SRGAP3: variants seen among roughly 807,000 people sequenced by gnomAD.
The protein encoded by SRGAP3 is SLIT-ROBO Rho GTPase-activating protein 3.
SRGAP3 carries 39 observed loss-of-function variants against 121.1 expected under a neutral mutation model. That is an observed-to-expected ratio of 0.32 (90% CI 0.25 to 0.42). The LOEUF is 0.42. SRGAP3 is among the 10% of genes least tolerant of loss of function. SRGAP3 has a pLI of 1.00. For missense variants in SRGAP3, 1,213 were observed against 1,470.6 expected, an observed-to-expected ratio of 0.82 and a Z score of 2.86; for synonymous variants, 601 against 570.0, an observed-to-expected ratio of 1.05 and a Z score of -0.77.
At chr3:9,106,383 C>T (rs2124918944) in intron 2 of SRGAP3, among the ~76,000 whole-genome samples, 1 of 152,320 alleles carries the variant, frequency 6.6e-6, no homozygotes, top group South Asian at 2.1e-4. Context: ...CCAGGGTTCC[C>T]CCAGGCCTGC....
chr3:9,168,698 C>T (rs1350484511), intron 1 of SRGAP3, among the ~76,000 whole-genome samples: 1 of 152,148 alleles, frequency 6.6e-6, no homozygotes, highest in Non-Finnish European at 1.5e-5. Context: ...GTTTCTTAAA[C>T]CAAGTAAGCT....
At chr3:9,348,845 A>G in intron 1 of SRGAP3, 1 of 1,326,532 alleles carries the variant, frequency 7.5e-7, no homozygotes, top group South Asian at 1.2e-5. Context: ...CTACAACATC[A>G]GTAAGGATCG....
chr3:9,021,086 C>G (rs1943890722), intron 14 of SRGAP3, among the ~76,000 whole-genome samples: 1 of 152,200 alleles, frequency 6.6e-6, no homozygotes, highest in African/African-American at 2.4e-5. Context: ...GGTCCTCGAG[C>G]CCCTCGACAT....
intron 3 of SRGAP3, among the ~76,000 whole-genome samples, chr3:9,289,312 G>A (rs1197426759): frequency 6.6e-6 from 1 of 152,180 alleles, no homozygotes; most frequent in Non-Finnish European, 1.5e-5. Flanking sequence ...CAGTCTCCAT[G>A]GATCTGATTC....
chr3:9,240,842 G>A (rs1385555489), intron 1 of SRGAP3, among the ~76,000 whole-genome samples: 2 of 152,222 alleles, frequency 1.3e-5, no homozygotes, highest in South Asian at 2.1e-4. Flanking sequence ...CAGTTTTGCA[G>A]TGGACACTTT....
rs779977694 is a variant in SRGAP3 at position 9,056,190 on chromosome 3, C to T, written c.1125+43G>A. On this transcript the variant is annotated intron_variant, in intron 8 of 21. Coordinates refer to ENST00000383836, the MANE Select transcript of SRGAP3 (RefSeq NM_014850.4). ...AGTGGACTCCCTGGGACAAGCCAGGCCTTCCAAAGAAAATCCCTTATAGGG... is the reference window on the plus strand; with the variant it reads ...AGTGGACTCCCTGGGACAAGCCAGGTCTTCCAAAGAAAATCCCTTATAGGG... 6 of 1,597,620 alleles carry T rather than the reference C, an allele frequency of 3.8e-6. No individual in the cohort carries two copies. In the South Asian group the frequency reaches 5.5e-5, roughly 15 times the overall value.
chr3:9,206,939 C>T (rs1240756513), intron 1 of SRGAP3, among the ~76,000 whole-genome samples: 1 of 152,114 alleles, frequency 6.6e-6, no homozygotes, highest in Non-Finnish European at 1.5e-5. Flanking sequence ...ATGCAGTATC[C>T]CTAGACCCTA....
At chr3:9,261,995 G>T (rs1954266330) in intron 3 of SRGAP3, among the ~76,000 whole-genome samples, 1 of 151,998 alleles carries the variant, frequency 6.6e-6, no homozygotes. Context: ...AAGCCCATCA[G>T]ACTAACAGTG....
intron 1 of SRGAP3, among the ~76,000 whole-genome samples, chr3:9,362,252 G>C (rs1338852168): frequency 3.2e-5 from 1 of 30,774 alleles, no homozygotes; most frequent in Non-Finnish European, 5.5e-5. Flanking sequence ...TGCAACCTCT[G>C]CCTCCTGGGT....
chr3:9,080,187 G>A (rs1947173062), intron 3 of SRGAP3, 100 bp from the exon 4 acceptor site: 3 of 1,086,990 alleles, frequency 2.8e-6, no homozygotes, highest in East Asian at 2.4e-5. Context: ...TTCGGGTGGG[G>A]TCAGAAGGGG....
intron 1 of SRGAP3, among the ~76,000 whole-genome samples, chr3:9,149,070 C>T (rs1229637020): frequency 5.3e-5 from 8 of 151,820 alleles, no homozygotes; most frequent in East Asian, 1.9e-4. Flanking sequence ...AAAAATTAGC[C>T]GAGCGTGGTG....
intron 7 of SRGAP3, 101 bp from the exon 8 acceptor site, chr3:9,056,435 A>C: frequency 7.8e-7 from 1 of 1,274,770 alleles, no homozygotes. Context: ...ACAGTCCAGG[A>C]AACAGGGGCT....
chr3:9,207,039 T>C (rs533900778), intron 1 of SRGAP3, among the ~76,000 whole-genome samples: 30 of 152,302 alleles, frequency 2.0e-4, no homozygotes, highest in African/African-American at 6.3e-4. Flanking sequence ...TCACATAGGG[T>C]GACCAACCAT....
intron 1 of SRGAP3, among the ~76,000 whole-genome samples, chr3:9,230,856 C>CAAAAA (rs544760262): frequency 3.3e-5 from 3 of 91,182 alleles, no homozygotes; most frequent in East Asian, 2.8e-4. Context: ...GACCCTATCT[C>CAAAAA]AAAAAAAAAA....
intron 3 of SRGAP3, among the ~76,000 whole-genome samples, chr3:9,257,698 CTTTTTTT>C (rs386395913): frequency 6.8e-5 from 5 of 73,202 alleles, no homozygotes; most frequent in Admixed American, 2.2e-4. Context: ...AAAATAGCTC[CTTTTTTT>C]TTTTTTTTTT....
chr3:9,258,678 C>T (rs1954186109), intron 3 of SRGAP3, among the ~76,000 whole-genome samples: 1 of 152,192 alleles, frequency 6.6e-6, no homozygotes, highest in African/African-American at 2.4e-5. Context: ...TCAGTGGCAC[C>T]ACATACCAGG....
At chr3:9,179,331 C>G (rs1459833841) in intron 1 of SRGAP3, among the ~76,000 whole-genome samples, 1 of 152,234 alleles carries the variant, frequency 6.6e-6, no homozygotes, top group Non-Finnish European at 1.5e-5. Context: ...AAGTTTGAAG[C>G]CTGGCTCTGC....
rs386395913 is a variant in SRGAP3, at chr3:9,257,698, CTTTT to C, written n.442+68308_442+68311del. On this transcript the variant is annotated intron_variant and non_coding_transcript_variant, in intron 3 of 3. Transcript: ENST00000490889. ...ACTCACTCATTAAACAAAATAGCTC[CTTTT>C]TTTTTTTTTTTTTTTTTTTTTTGAG... Among the ~76,000 whole-genome samples, 8 of 73,244 alleles carry C rather than the reference CTTTT, an allele frequency of 1.1e-4. No homozygotes were observed. The South Asian group carries it at 3.4e-3, about 31-fold the overall frequency. The allele number at this position is 73,244 out of a possible 152,430, so 48.1% of individuals were successfully genotyped here.
Position 9,196,465 on chromosome 3 carries a change from A to G in SRGAP3, c.67+52420T>C, listed in dbSNP as rs754102650. On this transcript the variant is annotated intron_variant, in intron 1 of 21. Transcript: ENST00000383836. ...TCAGTTGTAAAAGAGTAAATACAGTATATTTGTTTTAATAGTTGTGTTTTA... is the reference window on the plus strand; with the variant it reads ...TCAGTTGTAAAAGAGTAAATACAGTGTATTTGTTTTAATAGTTGTGTTTTA... Among the ~76,000 whole-genome samples, 4 of 152,306 alleles carry G rather than the reference A, an allele frequency of 2.6e-5. No homozygotes were observed. In the South Asian group the frequency reaches 8.3e-4, roughly 32 times the overall value.
Sources: allele counts gnomAD v4.1 joint callset (sites outside exome capture counted in the v4.1 genomes callset), GRCh38; gene constraint gnomAD v4.1.1; transcripts MANE v1.5; gene names NCBI Gene and HGNC (gene_info 2026-07-23, HGNC 2026-07-21).